Variants in ERC1 observed in about 807,000 individuals in gnomAD.
ERC1 encodes ELKS/RAB6-interacting/CAST family member 1.
A neutral mutation model predicts 132.0 loss-of-function variants in ERC1; 56 were observed. The ratio of observed to expected loss-of-function variants is 0.42; its 90% CI spans 0.34 to 0.53. The LOEUF is 0.53. Ranked by LOEUF, ERC1 falls within the 20% of genes least tolerant of loss-of-function variation. The pLI is 0.03. For missense variants in ERC1, 1,202 were observed against 1,349.9 expected (o/e 0.89, Z 1.72); for synonymous variants, 478 against 476.1 (o/e 1.00, Z -0.05).
At chr12:1,209,774 C>T (rs535212721) in intron 12 of ERC1, among the ~76,000 whole-genome samples, 2 of 152,326 alleles carry the variant, frequency 1.3e-5, no homozygotes, top group East Asian at 3.9e-4. Context: ...TGCTTTGACT[C>T]ACAAGATTTT....
chr12:1,431,278 G>C (rs2092790051), intron 17 of ERC1, among the ~76,000 whole-genome samples: 1 of 152,220 alleles, frequency 6.6e-6, no homozygotes, highest in South Asian at 2.1e-4. Flanking sequence ...TCCATCTTTT[G>C]TATTCTGTAC....
intron 12 of ERC1, among the ~76,000 whole-genome samples, chr12:1,199,926 T>G (rs930505061): frequency 1.4e-4 from 21 of 152,022 alleles, no homozygotes; most frequent in South Asian, 2.1e-4. Context: ...TTTTTTTTTT[T>G]GGAACACAAA....
intron 2 of ERC1, among the ~76,000 whole-genome samples, chr12:1,080,280 G>A (rs1006470482): frequency 1.3e-5 from 2 of 151,916 alleles, no homozygotes; most frequent in Non-Finnish European, 2.9e-5. Flanking sequence ...ATAACTCCTC[G>A]TTCTGTCCCA....
At chr12:1,033,129 C>T (rs947724070) in intron 2 of ERC1, among the ~76,000 whole-genome samples, 7 of 151,906 alleles carry the variant, frequency 4.6e-5, no homozygotes, top group South Asian at 4.2e-4. Context: ...CTCCACCTCC[C>T]GGGTTAATGC....
At chr12:1,223,802 G>T (rs1380496450) in intron 12 of ERC1, among the ~76,000 whole-genome samples, 1 of 152,074 alleles carries the variant, frequency 6.6e-6, no homozygotes, top group Non-Finnish European at 1.5e-5. Context: ...TCCTCTTCCT[G>T]CTTGAAGAAT....
At chr12:1,483,682 T>C (rs2094136814) in intron 18 of ERC1, among the ~76,000 whole-genome samples, 1 of 55,218 alleles carries the variant, frequency 1.8e-5, no homozygotes, top group African/African-American at 7.8e-5. Context: ...TTTTTTTTTT[T>C]TTTTTTTTTT....
chr12:996,659 T>TCTTCTTA (rs1960983293), intron 1 of ERC1, among the ~76,000 whole-genome samples: 3 of 152,308 alleles, frequency 2.0e-5, no homozygotes, highest in African/African-American at 7.2e-5. Context: ...GAAAGGCACA[T>TCTTCTTA]GACTTCTTAT....
intron 15 of ERC1, among the ~76,000 whole-genome samples, chr12:1,342,670 G>A (rs922006827): frequency 1.3e-5 from 2 of 152,084 alleles, no homozygotes; most frequent in African/African-American, 2.4e-5. Flanking sequence ...AGAGCGTTGC[G>A]CGTATTCTTA....
At position 1,120,527 on chromosome 12, in the gene ERC1, T is replaced by C. The variant is rs1317954109; in HGVS notation, c.1569+4494T>C. On this transcript the variant is annotated intron_variant, in intron 7 of 18. Coordinates refer to ENST00000360905, the MANE Select transcript of ERC1 (RefSeq NM_178040.4). ...ACTCTCACTAGTAACACTGGGACTT[T>C]TGATATATCATTTACAGTATTCTCA... 3.9e-5 allele frequency among the ~76,000 whole-genome samples: 6 copies of C among 152,238 alleles called. No homozygotes were observed. In the South Asian group the frequency reaches 1.0e-3, roughly 26 times the overall value.
At chr12:1,360,840 T>C (rs1293843129) in intron 15 of ERC1, among the ~76,000 whole-genome samples, 2 of 152,082 alleles carry the variant, frequency 1.3e-5, no homozygotes, top group Non-Finnish European at 2.9e-5. Flanking sequence ...TCCAGCACTT[T>C]GGGAGGCCAA....
chr12:1,309,931 CTTTTG>C (rs560192167), intron 15 of ERC1, among the ~76,000 whole-genome samples: 2,190 of 148,942 alleles, frequency 0.015, 125 homozygotes, highest in Admixed American at 0.11. Flanking sequence ...GATTTGTTTT[CTTTTG>C]TTTTGTTTTG....
intron 15 of ERC1, among the ~76,000 whole-genome samples, chr12:1,331,988 T>C (rs958104613): frequency 2.6e-5 from 4 of 152,250 alleles, no homozygotes; most frequent in Admixed American, 2.6e-4. Context: ...ATTTATGACT[T>C]CTTTTTTTCT....
intron 14 of ERC1, among the ~76,000 whole-genome samples, chr12:1,280,729 A>G (rs2078623705): frequency 6.6e-6 from 1 of 152,250 alleles, no homozygotes; most frequent in Non-Finnish European, 1.5e-5. Context: ...GCGCAAACAT[A>G]CACGTATCAT....
intron 2 of ERC1, among the ~76,000 whole-genome samples, chr12:1,051,017 A>G (rs984728943): frequency 1.2e-4 from 18 of 152,106 alleles, no homozygotes; most frequent in African/African-American, 4.3e-4. Context: ...AAAAAAAGTC[A>G]TATATGTACC....
intron 18 of ERC1, among the ~76,000 whole-genome samples, chr12:1,485,719 A>G (rs1472748472): frequency 7.3e-6 from 1 of 136,068 alleles, no homozygotes; most frequent in African/African-American, 2.7e-5. Context: ...CTTCAATTAA[A>G]TGTATAGCTC....
At chr12:1,126,855 G>A (rs1239314682) in intron 7 of ERC1, among the ~76,000 whole-genome samples, 1 of 151,946 alleles carries the variant, frequency 6.6e-6, no homozygotes. Context: ...GGGCGTGGTG[G>A]CACGTGCCTG....
chr12:1,198,031 TC>T (rs1437392254), intron 12 of ERC1, among the ~76,000 whole-genome samples: 1 of 152,044 alleles, frequency 6.6e-6, no homozygotes, highest in Admixed American at 6.6e-5. Flanking sequence ...GCTCAGGTGA[TC>T]CGCCCACCTC....
In ERC1 at chr12:1,076,380, AT is replaced by A. The variant is rs139225685; in HGVS notation, c.670-6774del. On this transcript the variant is annotated intron_variant, in intron 2 of 18. Transcript: ENST00000360905. ...ACTTGTATTGGTTGGTGTAGAACTG[AT>A]TTTTTTTTTCTTTTTCTTTTTTTTT... Among the ~76,000 whole-genome samples, 12 of 140,884 alleles carry A rather than the reference AT, an allele frequency of 8.5e-5. No homozygotes were observed. In the East Asian group the frequency reaches 1.2e-3, roughly 15 times the overall value. 92.4% of individuals were successfully genotyped at this position (140,884 alleles called of 152,430 possible). A position where few individuals can be genotyped will look rare whatever the true frequency, so the allele number is the denominator to read the frequency against.
At position 1,401,238 on chromosome 12, in the gene ERC1, T is replaced by A. The variant is rs577339659; in HGVS notation, c.2926-6911T>A. Among the ~76,000 whole-genome samples, 366 of 152,108 alleles carry A rather than the reference T, an allele frequency of 2.4e-3. 4 individuals are homozygous for A. The highest frequency in any genetic ancestry group is 8.6e-3 in the African/African-American group (355 of 41,496). ...CGTGAGCCACCGCGCCCAGCCCTATTTTTGTATTTTTTAAAACACCATGTG... is the reference window on the plus strand; with the variant it reads ...CGTGAGCCACCGCGCCCAGCCCTATATTTGTATTTTTTAAAACACCATGTG... On this transcript the variant is annotated intron_variant, in intron 16 of 18. Coordinates refer to ENST00000360905, the MANE Select transcript of ERC1 (RefSeq NM_178040.4).
Sources: allele counts gnomAD v4.1 joint callset (sites outside exome capture counted in the v4.1 genomes callset), GRCh38; gene constraint gnomAD v4.1.1; transcripts MANE v1.5; gene names NCBI Gene and HGNC (gene_info 2026-07-23, HGNC 2026-07-21).